The following CNTN5 variants were observed in gnomAD, a reference collection of about 807,000 sequenced individuals.
CNTN5 encodes the protein contactin-5.
Under a neutral mutation model 129.1 loss-of-function variants are expected in CNTN5, and 77 were observed. The observed-to-expected ratio is 0.60, with a 90% CI of 0.50 to 0.72. The LOEUF is 0.72. CNTN5 is among the 30% of genes least tolerant of loss of function. The pLI is 0.00. For synonymous variants in CNTN5, 509 were observed against 465.6 expected, an observed-to-expected ratio of 1.09 and a Z score of -1.20; for missense variants, 1,478 against 1,328.8, an observed-to-expected ratio of 1.11 and a Z score of -1.75.
intron 23 of CNTN5, among the ~76,000 whole-genome samples, chr11:100,343,669 A>G (rs1481503730): frequency 6.6e-6 from 1 of 152,140 alleles, no homozygotes; most frequent in African/African-American, 2.4e-5. Flanking sequence ...TCTTCTGAGT[A>G]TGACGTTGAA....
chr11:100,297,531 T>A (rs1951122010), intron 18 of CNTN5, 94 bp from the exon 19 acceptor site: 1 of 900,038 alleles, frequency 1.1e-6, no homozygotes. Flanking sequence ...ATGACCATTC[T>A]GACTTCAAAC....
At chr11:99,497,759 A>G (rs1209423185) in intron 2 of CNTN5, among the ~76,000 whole-genome samples, 1 of 152,216 alleles carries the variant, frequency 6.6e-6, no homozygotes, top group Non-Finnish European at 1.5e-5. Flanking sequence ...GATTACAGGT[A>G]CAGTGAAAAT....
intron 3 of CNTN5, among the ~76,000 whole-genome samples, chr11:99,579,775 A>G (rs908638873): frequency 6.7e-6 from 1 of 150,280 alleles, no homozygotes; most frequent in African/African-American, 2.5e-5. Flanking sequence ...GTCATCTGCA[A>G]ACAGGGACAA....
intron 3 of CNTN5, among the ~76,000 whole-genome samples, chr11:99,685,939 T>C (rs989165265): frequency 1.3e-5 from 2 of 152,072 alleles, no homozygotes; most frequent in Admixed American, 1.3e-4. Context: ...TCCCACTTCA[T>C]AGTTTATTAG....
chr11:100,022,008 G>A (rs1373156386), intron 9 of CNTN5, among the ~76,000 whole-genome samples: 1 of 152,042 alleles, frequency 6.6e-6, no homozygotes, highest in African/African-American at 2.4e-5. Context: ...AGCCTCACTG[G>A]CAGCTGATTG....
chr11:99,922,409 C>G (rs144149791), intron 7 of CNTN5, among the ~76,000 whole-genome samples: 1 of 152,270 alleles, frequency 6.6e-6, no homozygotes, highest in Non-Finnish European at 1.5e-5. Flanking sequence ...AAAGAATAAT[C>G]CAGGGTGAAG....
intron 3 of CNTN5, among the ~76,000 whole-genome samples, chr11:99,788,842 A>G (rs1447770009): frequency 6.6e-6 from 1 of 151,896 alleles, no homozygotes; most frequent in Admixed American, 6.6e-5. Flanking sequence ...TCTATTTTAT[A>G]TACGGGGAAT....
At chr11:100,137,957 T>C (rs1408810505) in intron 13 of CNTN5, among the ~76,000 whole-genome samples, 1 of 152,000 alleles carries the variant, frequency 6.6e-6, no homozygotes, top group Non-Finnish European at 1.5e-5. Context: ...TCCCTAAATA[T>C]TGACACTGGC....
At chr11:99,514,445 T>C (rs1946965245) in intron 2 of CNTN5, among the ~76,000 whole-genome samples, 1 of 152,080 alleles carries the variant, frequency 6.6e-6, no homozygotes, top group Admixed American at 6.6e-5. Context: ...CAGTGTTGCA[T>C]GCTACCGAGA....
intron 21 of CNTN5, among the ~76,000 whole-genome samples, chr11:100,312,622 TAAAAC>T (rs1951492331): frequency 6.6e-6 from 1 of 152,020 alleles, no homozygotes; most frequent in Admixed American, 6.6e-5. Context: ...ATGGTGACAA[TAAAAC>T]AAATATTGAA....
intron 6 of CNTN5, among the ~76,000 whole-genome samples, chr11:99,891,359 C>G (rs1049530336): frequency 6.6e-6 from 1 of 151,822 alleles, no homozygotes; most frequent in Non-Finnish European, 1.5e-5. Flanking sequence ...ATTTTAAGTT[C>G]TGGGGCACTA....
intron 2 of CNTN5, among the ~76,000 whole-genome samples, chr11:99,439,707 CAA>C (rs376871051): frequency 4.2e-5 from 4 of 95,456 alleles, no homozygotes; most frequent in African/African-American, 4.3e-5. Context: ...GACTCTGTCT[CAA>C]AAAAAAAAAA....
intron 3 of CNTN5, among the ~76,000 whole-genome samples, chr11:99,747,615 G>A (rs993611559): frequency 5.3e-5 from 8 of 151,914 alleles, no homozygotes; most frequent in Admixed American, 2.6e-4. Context: ...GACTACAGGC[G>A]CCTGCTACCA....
intron 3 of CNTN5, among the ~76,000 whole-genome samples, chr11:99,699,870 C>T (rs552447410): frequency 1.4e-4 from 21 of 151,518 alleles, no homozygotes; most frequent in African/African-American, 5.1e-4. Flanking sequence ...ATTGCTAAGA[C>T]CTCACAGCAT....
chr11:99,785,932 T>G (rs998760181), intron 3 of CNTN5, among the ~76,000 whole-genome samples: 1 of 152,038 alleles, frequency 6.6e-6, no homozygotes, highest in Non-Finnish European at 1.5e-5. Flanking sequence ...GCATTCCCTT[T>G]GAAAGCCGGC....
At chr11:99,629,915 A>G (rs1160839081) in intron 3 of CNTN5, among the ~76,000 whole-genome samples, 1 of 151,794 alleles carries the variant, frequency 6.6e-6, no homozygotes, top group African/African-American at 2.4e-5. Flanking sequence ...TACTTGATAT[A>G]AAATATTTAT....
rs918880916 is a variant in CNTN5 at position 99,956,914 on chromosome 11, C to T, written c.782C>T (p.Thr261Ile). ...TGNLYISKVQ[T>I]SDVGSYICLV... ...AACCTTTATATTTCTAAAGTCCAAA[C>T]ATCAGATGTTGGCAGCTATATTTGT... Residue 261 changes from threonine to isoleucine, a missense_variant, in exon 8 of 25, where the codon ACA (threonine) becomes ATA (isoleucine). Physicochemically the swap from Thr to Ile is moderately conservative, Grantham distance 89 (BLOSUM62 -1). Coordinates refer to ENST00000524871, the MANE Select transcript of CNTN5 (RefSeq NM_014361.4). The T allele has an allele frequency of 1.2e-6, 2 of 1,613,722 alleles. No individual in the cohort carries two copies. The highest frequency in any genetic ancestry group is 1.7e-5 in the Admixed American group (1 of 59,984).
intron 2 of CNTN5, among the ~76,000 whole-genome samples, chr11:99,488,249 T>C (rs1945897252): frequency 6.7e-6 from 1 of 148,166 alleles, no homozygotes; most frequent in South Asian, 2.3e-4. Context: ...CTCGGCTCAC[T>C]GGAACCTCCA....
intron 3 of CNTN5, among the ~76,000 whole-genome samples, chr11:99,656,608 T>A (rs1369508536): frequency 1.3e-5 from 2 of 152,072 alleles, no homozygotes; most frequent in Non-Finnish European, 2.9e-5. Flanking sequence ...TGATAAAATC[T>A]TAGAGGTGAC....
Sources: allele counts gnomAD v4.1 joint callset (sites outside exome capture counted in the v4.1 genomes callset), GRCh38; gene constraint gnomAD v4.1.1; transcripts MANE v1.5; gene names NCBI Gene and HGNC (gene_info 2026-07-23, HGNC 2026-07-21).